CSDE1: variants seen among roughly 807,000 people sequenced by gnomAD.
CSDE1 encodes cold shock domain-containing protein E1.
CSDE1 carries 17 observed loss-of-function variants against 89.3 expected under a neutral mutation model. The observed-to-expected ratio is 0.19, with a 90% CI of 0.13 to 0.29. The LOEUF is 0.29. CSDE1 is among the 10% of genes least tolerant of loss of function. The pLI is 1.00. For missense variants in CSDE1, 672 were observed against 984.2 expected (o/e 0.68, Z 4.24); for synonymous variants, 322 against 332.8 (o/e 0.97, Z 0.35).
chr1:114,756,977 A>G (rs1277236619), intron 1 of CSDE1: 7 of 152,270 alleles, frequency 4.6e-5, no homozygotes, highest in Non-Finnish European at 1.5e-5. Flanking sequence ...GGGGAACTCT[A>G]AAACATTCTA....
At chr1:114,755,532 C>G (rs1661546025) in intron 1 of CSDE1, among the ~76,000 whole-genome samples, 2 of 152,156 alleles carry the variant, frequency 1.3e-5, no homozygotes, top group South Asian at 4.1e-4. Context: ...TTGTTTTTAA[C>G]TAGGTACCCA....
At chr1:114,724,470 A>G (rs907216180) in intron 15 of CSDE1, among the ~76,000 whole-genome samples, 3 of 152,246 alleles carry the variant, frequency 2.0e-5, no homozygotes, top group Admixed American at 6.5e-5. Flanking sequence ...AATAAGGTCA[A>G]TGAATACAGG....
At chr1:114,734,866 G>A (rs1001584095) in intron 6 of CSDE1, among the ~76,000 whole-genome samples, 1 of 152,126 alleles carries the variant, frequency 6.6e-6, no homozygotes, top group Non-Finnish European at 1.5e-5. Context: ...GCCACAAAGC[G>A]AATGCTACCA....
intron 1 of CSDE1, among the ~76,000 whole-genome samples, chr1:114,756,541 A>T (rs1661608360): frequency 6.6e-6 from 1 of 152,248 alleles, no homozygotes; most frequent in South Asian, 2.1e-4. Flanking sequence ...ATTTTAGTAT[A>T]GAGTAGCTTA....
chr1:114,756,793 A>G (rs1282841849), intron 1 of CSDE1: 1 of 152,246 alleles, frequency 6.6e-6, no homozygotes, highest in Non-Finnish European at 1.5e-5. Flanking sequence ...ACGTTCAGAT[A>G]TTCTTTGCAG....
chr1:114,727,500 C>A (rs1659858318), intron 12 of CSDE1, among the ~76,000 whole-genome samples: 1 of 152,072 alleles, frequency 6.6e-6, no homozygotes, highest in Non-Finnish European at 1.5e-5. Context: ...GCACACAGCA[C>A]CTTGCACAGT....
Position 114,734,458 on chromosome 1 carries a change from A to T in CSDE1, c.566T>A (p.Val189Glu). Residue 189 changes from valine to glutamate, a missense_variant, in exon 7 of 20, where the codon GTA (valine) becomes GAA (glutamate). Coordinates refer to ENST00000358528, the MANE Select transcript of CSDE1 (RefSeq NM_001007553.3). The part of the protein sequence containing the change: ...LKKKQARCQG[V>E]VCAMKEAFGF... Reference sequence around the variant, plus strand: ...AACACTTACCTTCATGGCACAAACTACTCCCTGACAGCGGGCTTGTTTCTT... The same window carrying T: ...AACACTTACCTTCATGGCACAAACTTCTCCCTGACAGCGGGCTTGTTTCTT... 6.2e-7 allele frequency: 1 copy of T among 1,612,800 alleles called. No homozygotes were observed. The highest frequency in any genetic ancestry group is 8.5e-7 in the Non-Finnish European group (1 of 1,179,582).
At chr1:114,753,169 C>T (rs1661399062) in intron 1 of CSDE1, among the ~76,000 whole-genome samples, 1 of 152,172 alleles carries the variant, frequency 6.6e-6, no homozygotes, top group Non-Finnish European at 1.5e-5. Flanking sequence ...AAGAACTCAA[C>T]ATGGAGAAAA....
At chr1:114,745,296 T>G (rs1442062342) in intron 2 of CSDE1, among the ~76,000 whole-genome samples, 1 of 152,260 alleles carries the variant, frequency 6.6e-6, no homozygotes, top group African/African-American at 2.4e-5. Context: ...AATATATTTT[T>G]GTAGCAAATT....
At chr1:114,752,616 C>G (rs1661369068) in intron 1 of CSDE1, among the ~76,000 whole-genome samples, 1 of 152,186 alleles carries the variant, frequency 6.6e-6, no homozygotes, top group South Asian at 2.1e-4. Flanking sequence ...TCCTTAAACA[C>G]AACTCTTGGG....
At position 114,725,203 on chromosome 1, in the gene CSDE1, G is replaced by C. The variant is rs1041223614; in HGVS notation, c.1753+18C>G. On this transcript the variant is annotated intron_variant, in intron 15 of 19. Coordinates refer to ENST00000358528, the MANE Select transcript of CSDE1 (RefSeq NM_001007553.3). Reference sequence around the variant, plus strand: ...CCACTTAAAAGCACAGGCTGAATAAGAAGTCACAATTTATTACCTGAGTGT... The same window carrying C: ...CCACTTAAAAGCACAGGCTGAATAACAAGTCACAATTTATTACCTGAGTGT... 1 of 1,596,992 alleles carries C rather than the reference G, an allele frequency of 6.3e-7. No homozygotes were observed.
chr1:114,720,405 G>C, intron 17 of CSDE1, 134 bp downstream of exon 17: 1 of 825,220 alleles, frequency 1.2e-6, no homozygotes, highest in Non-Finnish European at 1.8e-6. Flanking sequence ...TACCTCAAAT[G>C]ACTGAAAAAA....
chr1:114,736,118 C>T (rs1660387783), intron 6 of CSDE1, among the ~76,000 whole-genome samples: 1 of 152,252 alleles, frequency 6.6e-6, no homozygotes, highest in Non-Finnish European at 1.5e-5. Flanking sequence ...ATTCCAACCC[C>T]ACCTTTATCA....
chr1:114,732,403 A>T (rs1250609718), intron 10 of CSDE1, among the ~76,000 whole-genome samples: 1 of 152,216 alleles, frequency 6.6e-6, no homozygotes, highest in African/African-American at 2.4e-5. Flanking sequence ...CATTCAAAAA[A>T]TTTTTTCACA....
chr1:114,739,862 T>C lies in CSDE1; in HGVS notation c.29A>G (p.Asn10Ser). 1.2e-6 allele frequency: 2 copies of C among 1,614,108 alleles called. No individual in the cohort carries two copies. Among genetic ancestry groups the C allele is most frequent in the Non-Finnish European group, 8.5e-7 (1 of 1,179,978 alleles). MSFDPNLLHNNGHNGYPNGT... is the reference protein window; with the variant it reads MSFDPNLLHSNGHNGYPNGT... ...ATTAGGGTACCCATTATGTCCATTG[T>C]TGTGGAGAAGGTTTGGATCAAAGCT... Residue 10 changes from asparagine (N) to serine (S), a missense_variant, in exon 3 of 20, where the codon AAC (asparagine) becomes AGC (serine). Transcript: ENST00000358528.
At chr1:114,738,472 T>C (rs1226964402) in intron 3 of CSDE1, among the ~76,000 whole-genome samples, 1 of 152,042 alleles carries the variant, frequency 6.6e-6, no homozygotes, top group Non-Finnish European at 1.5e-5. Flanking sequence ...CCTCTGTACC[T>C]CAGTTTTCTC....
chr1:114,739,182 C>T (rs565109646), intron 3 of CSDE1, among the ~76,000 whole-genome samples: 39 of 152,252 alleles, frequency 2.6e-4, no homozygotes, highest in Middle Eastern at 3.4e-3. Context: ...CAGGTGCCTG[C>T]CACCACGCCC....
At chr1:114,718,548 A>G in intron 19 of CSDE1, 65 bp downstream of exon 19, 1 of 1,567,400 alleles carries the variant, frequency 6.4e-7, no homozygotes, top group African/African-American at 1.4e-5. Context: ...TATTGTTTAA[A>G]TAGGACCACA....
intron 2 of CSDE1, among the ~76,000 whole-genome samples, chr1:114,743,497 T>C (rs1360634199): frequency 6.6e-6 from 1 of 152,138 alleles, no homozygotes; most frequent in African/African-American, 2.4e-5. Flanking sequence ...GCCACTGCAC[T>C]TGGCCTCATG....
Sources: allele counts gnomAD v4.1 joint callset (sites outside exome capture counted in the v4.1 genomes callset), GRCh38; gene constraint gnomAD v4.1.1; transcripts MANE v1.5; gene names NCBI Gene and HGNC (gene_info 2026-07-23, HGNC 2026-07-21).